The following YIPF1 variants were observed in gnomAD, a reference collection of about 807,000 sequenced individuals.
YIPF1 encodes protein YIPF1.
A neutral mutation model predicts 37.0 loss-of-function variants in YIPF1; 22 were observed. That is an observed-to-expected ratio of 0.59 (90% confidence interval 0.42 to 0.85). The LOEUF is 0.85. YIPF1 is among the 40% of genes least tolerant of loss of function. The pLI is 0.00. For synonymous variants in YIPF1, 128 were observed against 131.9 expected, an observed-to-expected ratio of 0.97 and a Z score of 0.21; for missense variants, 355 against 373.1, an observed-to-expected ratio of 0.95 and a Z score of 0.40.
At chr1:53,853,876 T>C (rs1316824349) in intron 10 of YIPF1, among the ~76,000 whole-genome samples, 1 of 152,216 alleles carries the variant, frequency 6.6e-6, no homozygotes, top group African/African-American at 2.4e-5. Flanking sequence ...TTCATAAATA[T>C]ATACTCTGTT....
rs559392157 is a variant in YIPF1 at position 53,868,490 on chromosome 1, C to T, written c.482-1566G>A. Among the ~76,000 whole-genome samples the T allele has an allele frequency of 4.3e-4, 66 of 152,270 alleles. 1 individual carries two copies. In the South Asian group the frequency reaches 0.013, roughly 29 times the overall value. ...TGAATAAAAGCAGGTAAGAACTGTT[C>T]TATGTAGAAGAGCGACTGATCAATA... On this transcript the variant is annotated intron_variant, in intron 7 of 10. Coordinates refer to ENST00000072644, the MANE Select transcript of YIPF1 (RefSeq NM_018982.5).
intron 3 of YIPF1, among the ~76,000 whole-genome samples, chr1:53,885,007 A>G (rs1191080551): frequency 6.6e-6 from 1 of 152,220 alleles, no homozygotes; most frequent in African/African-American, 2.4e-5. Flanking sequence ...TGAAGCCTCA[A>G]TTGGCAATGT....
Position 53,866,877 on chromosome 1 carries a change from G to A in YIPF1, c.529C>T (p.Leu177Phe). Reference protein sequence around the residue: ...IIYAYAWLVPLALWGFLMWRN... With the variant: ...IIYAYAWLVPFALWGFLMWRN... ...CACATGAGGAAACCCCAGAGTGCAA[G>A]AGGAACCAGCCAGGCATAGGCATAG... Residue 177 changes from leucine to phenylalanine, a missense_variant, in exon 8 of 11, where the codon CTT (leucine) becomes TTT (phenylalanine). By Grantham distance (22) the Leu-to-Phe change is conservative. Transcript: ENST00000072644. 1 of 1,614,166 alleles carries A rather than the reference G, an allele frequency of 6.2e-7. No homozygotes were observed. Among genetic ancestry groups the A allele is most frequent in the Non-Finnish European group, 8.5e-7 (1 of 1,180,010 alleles).
intron 10 of YIPF1, among the ~76,000 whole-genome samples, chr1:53,855,576 A>G (rs1263633942): frequency 1.3e-5 from 2 of 152,298 alleles, no homozygotes; most frequent in African/African-American, 2.4e-5. Flanking sequence ...AGATCACACC[A>G]TATTTTTACT....
intron 3 of YIPF1, among the ~76,000 whole-genome samples, chr1:53,887,579 T>C (rs1650689855): frequency 6.6e-6 from 1 of 151,884 alleles, no homozygotes; most frequent in African/African-American, 2.4e-5. Flanking sequence ...GTGAGAGTAG[T>C]GGTGGAGGTG....
At chr1:53,883,376 A>AT in intron 3 of YIPF1, 100 bp from the exon 4 acceptor site, 1 of 1,312,742 alleles carries the variant, frequency 7.6e-7, no homozygotes, top group South Asian at 2.0e-5. Flanking sequence ...CAGCTTTGCT[A>AT]TAGACCCTAC....
At chr1:53,876,110 G>C (rs1650328261) in intron 6 of YIPF1, among the ~76,000 whole-genome samples, 1 of 152,128 alleles carries the variant, frequency 6.6e-6, no homozygotes, top group East Asian at 1.9e-4. Flanking sequence ...AAAATAATGA[G>C]CATAAATAAT....
chr1:53,853,205 G>C (rs1649638888), intron 10 of YIPF1, among the ~76,000 whole-genome samples: 1 of 152,214 alleles, frequency 6.6e-6, no homozygotes, highest in Middle Eastern at 3.2e-3. Flanking sequence ...CAAGGAACCA[G>C]TCTACCAAGA....
At chr1:53,883,642 T>C (rs887035840) in intron 3 of YIPF1, among the ~76,000 whole-genome samples, 18 of 152,338 alleles carry the variant, frequency 1.2e-4, no homozygotes, top group African/African-American at 4.3e-4. Context: ...ATAATCTAAG[T>C]CCTAAACTTT....
rs75910288 is a variant in YIPF1, at chr1:53,868,970, C to T, written c.482-2046G>A. On this transcript the variant is annotated intron_variant, in intron 7 of 10. Transcript: ENST00000072644. ...TTCTAACCACTGAACTACTTGAAGG[C>T]AGGATCTATATCTCATGGTTAATAT... 1.6e-3 allele frequency among the ~76,000 whole-genome samples: 249 copies of T among 152,290 alleles called. 1 individual carries two copies. In the East Asian group the frequency reaches 0.03, roughly 19 times the overall value.
chr1:53,871,012 C>CAAAA (rs57949076), intron 7 of YIPF1, among the ~76,000 whole-genome samples: 1 of 65,266 alleles, frequency 1.5e-5, no homozygotes, highest in African/African-American at 5.8e-5. Flanking sequence ...GTCACTGTCT[C>CAAAA]AAAAAAAAAA....
At position 53,878,504 on chromosome 1, in the gene YIPF1, T is replaced by C. The variant is rs947291459; in HGVS notation, c.277-102A>G. 3.4e-6 allele frequency: 5 copies of C among 1,475,042 alleles called. No individual in the cohort carries two copies. In the South Asian group the frequency reaches 6.0e-5, roughly 18 times the overall value. The allele number at this position is 1,475,042 out of a possible 1,614,324, so 91.4% of individuals were successfully genotyped here. A position where few individuals can be genotyped will look rare whatever the true frequency, so the allele number is the denominator to read the frequency against. On this transcript the variant is annotated intron_variant, in intron 5 of 10. Coordinates refer to ENST00000072644, the MANE Select transcript of YIPF1 (RefSeq NM_018982.5). ...AGTCATTAGAGCTTTTATGATAGTA[T>C]TTTCAAATGCTAATAACCCTTTACT...
At chr1:53,889,631 G>C (rs1650754137) in intron 1 of YIPF1, 82 bp downstream of exon 1, 2 of 152,482 alleles carry the variant, frequency 1.3e-5, no homozygotes, top group African/African-American at 4.8e-5. Flanking sequence ...AGGGAGAGGA[G>C]CTGGGCCGCG....
rs1221912113 is a variant in YIPF1, at chr1:53,866,227, G to A, written c.804C>T (p.Leu268=). 5.6e-6 allele frequency: 9 copies of A among 1,614,054 alleles called. No homozygotes were observed. The Admixed American group carries it at 1.3e-4, about 24-fold the overall frequency. ...AGCAGCCCACAGAAAGCAGCATATG[G>A]AGCAACACAATTGTCACAATTGTGG... is the stretch of plus-strand genomic sequence containing the variant. ...ALATIVTIVL[L]HMLLSVGCLA... is the part of the protein sequence containing the mutation. Residue 268 remains leucine (L), a synonymous_variant, in exon 9 of 11, where the codon CTC becomes CTT. Coordinates refer to ENST00000072644, the MANE Select transcript of YIPF1 (RefSeq NM_018982.5).
chr1:53,866,317 T>C lies in YIPF1; in HGVS notation c.714A>G (p.Ser238=). The change falls in exon 9 of 11, where the codon TCA becomes TCG. Residue 238 remains serine (S), a synonymous_variant. Transcript: ENST00000072644. The part of the protein sequence containing the change: ...WILVMIALGI[S]GSLLAMTFWP... The stretch of plus-strand genomic sequence containing the variant: ...AAAATGTCATTGCCAAGAGAGATCC[T>C]GAGATGCCCAGGGCAATCATGACTA... 1 of 1,614,066 alleles carries C rather than the reference T, an allele frequency of 6.2e-7. No individual in the cohort carries two copies. Among genetic ancestry groups the C allele is most frequent in the Non-Finnish European group, 8.5e-7 (1 of 1,179,942 alleles).
rs1170157993 is a variant in YIPF1, at chr1:53,889,705, A to G, written c.-270+8T>C. On this transcript the variant is annotated splice_region_variant and intron_variant, in intron 1 of 10. Transcript: ENST00000072644. ...CTCGTACAGGTCCCGCAAACTCGGC[A>G]GCCTCACCTCGCGGGGTTAGGCGTC... 1 of 152,292 alleles carries G rather than the reference A, an allele frequency of 6.6e-6. No individual in the cohort carries two copies. The highest frequency in any genetic ancestry group is 1.5e-5 in the Non-Finnish European group (1 of 68,114). The allele number at this position is 152,292 out of a possible 1,614,324, so 9.4% of individuals were successfully genotyped here. A position where few individuals can be genotyped will look rare whatever the true frequency, so the allele number is the denominator to read the frequency against.
At chr1:53,865,399 T>C (rs184732678) in intron 9 of YIPF1, among the ~76,000 whole-genome samples, 20 of 152,128 alleles carry the variant, frequency 1.3e-4, no homozygotes, top group Non-Finnish European at 2.1e-4. Context: ...AAAACACCAA[T>C]ATGACAATAA....
chr1:53,868,537 A>C (rs1330963107), intron 7 of YIPF1, among the ~76,000 whole-genome samples: 1 of 152,238 alleles, frequency 6.6e-6, no homozygotes, highest in African/African-American at 2.4e-5. Flanking sequence ...ATCAAGAATT[A>C]GTTTTTATAT....
At chr1:53,865,903 C>T (rs1471622988) in intron 9 of YIPF1, among the ~76,000 whole-genome samples, 1 of 152,106 alleles carries the variant, frequency 6.6e-6, no homozygotes, top group Non-Finnish European at 1.5e-5. Flanking sequence ...TCACCTCAGC[C>T]TCCCAAGTAC....
Sources: allele counts gnomAD v4.1 joint callset (sites outside exome capture counted in the v4.1 genomes callset), GRCh38; gene constraint gnomAD v4.1.1; transcripts MANE v1.5; gene names NCBI Gene and HGNC (gene_info 2026-07-23, HGNC 2026-07-21).